The following PTPRN2 variants were observed in gnomAD, a reference collection of about 807,000 sequenced individuals.
PTPRN2 encodes the protein protein tyrosine phosphatase receptor type N2.
PTPRN2 carries 74 observed loss-of-function variants against 118.8 expected under a neutral mutation model. The ratio of observed to expected loss-of-function variants is 0.62; its 90% CI spans 0.52 to 0.76. PTPRN2 has a LOEUF of 0.76. Among genes scored for constraint, PTPRN2 ranks in the 30% least tolerant of loss-of-function variants. PTPRN2 has a pLI of 0.00. For missense variants in PTPRN2, 1,481 were observed against 1,394.4 expected, an observed-to-expected ratio of 1.06 and a Z score of -0.99; for synonymous variants, 641 against 608.0, an observed-to-expected ratio of 1.05 and a Z score of -0.80.
chr7:157,771,937 CACAT>C (rs1802855075), intron 12 of PTPRN2, among the ~76,000 whole-genome samples: 1 of 131,974 alleles, frequency 7.6e-6, no homozygotes, highest in Admixed American at 7.2e-5. Context: ...CACACACAGA[CACAT>C]ACAAAGACAC....
In PTPRN2 at chr7:158,536,196, A is replaced by C. The variant is rs115988819; in HGVS notation, c.113-46411T>G. Among the ~76,000 whole-genome samples, 489 of 152,292 alleles carry C rather than the reference A, an allele frequency of 3.2e-3. 5 individuals are homozygous for C. The highest frequency in any genetic ancestry group is 0.011 in the African/African-American group (442 of 41,560). ...TAAAGAAGGTCTGAAATGCCCTTTA[A>C]ATTTTGCTGAAAATCATCACCTCCT... On this transcript the variant is annotated intron_variant, in intron 1 of 22. Transcript: ENST00000389418.
intron 3 of PTPRN2, among the ~76,000 whole-genome samples, chr7:158,303,157 C>T (rs1353942401): frequency 1.4e-5 from 2 of 145,492 alleles, no homozygotes; most frequent in Non-Finnish European, 3.0e-5. Flanking sequence ...ATGTGGATAG[C>T]ACTAACCCAC....
chr7:157,853,431 C>T (rs1045826521), intron 12 of PTPRN2, among the ~76,000 whole-genome samples: 13 of 152,282 alleles, frequency 8.5e-5, no homozygotes, highest in South Asian at 2.1e-4. Context: ...ACCATGTTTG[C>T]CTCTGTCTGG....
At chr7:157,650,810 C>G (rs1025262202) in intron 14 of PTPRN2, among the ~76,000 whole-genome samples, 1 of 152,220 alleles carries the variant, frequency 6.6e-6, no homozygotes, top group Admixed American at 6.5e-5. Context: ...CAGCCTTGGG[C>G]AGGGACATCT....
At position 158,565,644 on chromosome 7, in the gene PTPRN2, C is replaced by T. The variant is rs1389114709; in HGVS notation, c.112+21914G>A. Among the ~76,000 whole-genome samples, 1 of 152,332 alleles carries T rather than the reference C, an allele frequency of 6.6e-6. No homozygotes were observed. The highest frequency in any genetic ancestry group is 2.4e-5 in the African/African-American group (1 of 41,580). ...AGAAAGTAAGCAAAGGCACGGTAGA[C>T]GCCAAGGGTCCAGGAGTCGCCCTCT... On this transcript the variant is annotated intron_variant, in intron 1 of 22. Coordinates refer to ENST00000389418, the MANE Select transcript of PTPRN2 (RefSeq NM_002847.5). The surrounding 1 kb of genome is among the most constrained non-coding windows in gnomAD (Gnocchi z 4.6).
intron 12 of PTPRN2, among the ~76,000 whole-genome samples, chr7:157,883,005 T>C (rs1324430866): frequency 6.7e-6 from 1 of 149,282 alleles, no homozygotes; most frequent in East Asian, 2.0e-4. Context: ...AAAATGACTG[T>C]CAGAGAACAG....
intron 12 of PTPRN2, among the ~76,000 whole-genome samples, chr7:157,792,109 T>C (rs56266655): frequency 0.35 from 52,820 of 152,152 alleles, 11,425 homozygotes; most frequent in African/African-American, 0.62. Context: ...TCTGGCCTTA[T>C]GAAGCCCCCT....
intron 5 of PTPRN2, among the ~76,000 whole-genome samples, chr7:158,191,120 C>T (rs921433099): frequency 1.2e-4 from 18 of 152,230 alleles, no homozygotes; most frequent in African/African-American, 2.9e-4. Context: ...TTAGTGGCCA[C>T]GCGTCCTCTG....
rs1437798931 is a variant in PTPRN2, at chr7:157,764,438, G to A, written c.1789-81501C>T. Among the ~76,000 whole-genome samples the A allele has an allele frequency of 6.6e-6, 1 of 152,228 alleles. No homozygotes were observed. The highest frequency in any genetic ancestry group is 2.4e-5 in the African/African-American group (1 of 41,470). On this transcript the variant is annotated intron_variant, in intron 12 of 22. Coordinates refer to ENST00000389418, the MANE Select transcript of PTPRN2 (RefSeq NM_002847.5). This position sits in a 1 kb window ranked among gnomAD's most constrained non-coding sequence, Gnocchi z 4.5. ...TTTGGATGCAGGCTACAACATGGAT[G>A]AACCTTGAAGATGTTATGCTAAGTG...
chr7:158,437,093 A>G (rs1816622323), intron 2 of PTPRN2, among the ~76,000 whole-genome samples: 1 of 151,964 alleles, frequency 6.6e-6, no homozygotes, highest in South Asian at 2.1e-4. Context: ...ACACATATAG[A>G]CCTTTCCAAC....
intron 2 of PTPRN2, among the ~76,000 whole-genome samples, chr7:158,375,173 G>C (rs1006026792): frequency 6.6e-6 from 1 of 152,172 alleles, no homozygotes; most frequent in African/African-American, 2.4e-5. Context: ...AGTCAGAAAG[G>C]TGCCTAAACC....
intron 12 of PTPRN2, among the ~76,000 whole-genome samples, chr7:157,753,358 C>T (rs1797741324): frequency 6.6e-6 from 1 of 152,148 alleles, no homozygotes; most frequent in South Asian, 2.1e-4. Flanking sequence ...AAGTTGAGAA[C>T]TTACAATAGG....
At chr7:157,761,849 C>T (rs1477547479) in intron 12 of PTPRN2, among the ~76,000 whole-genome samples, 5 of 151,952 alleles carry the variant, frequency 3.3e-5, no homozygotes, top group Admixed American at 6.6e-5. Flanking sequence ...GCAACCTACT[C>T]ATCTGACAAA....
At chr7:158,351,652 C>T (rs1029851875) in intron 2 of PTPRN2, among the ~76,000 whole-genome samples, 25 of 152,158 alleles carry the variant, frequency 1.6e-4, no homozygotes, top group African/African-American at 6.0e-4. Context: ...GAGAGTGCAA[C>T]TCAACAACTC....
At chr7:158,050,023 A>G (rs1809207904) in intron 11 of PTPRN2, among the ~76,000 whole-genome samples, 1 of 152,208 alleles carries the variant, frequency 6.6e-6, no homozygotes, top group Admixed American at 6.5e-5. Context: ...GCACACATTA[A>G]TTCACTGCTA....
chr7:158,140,259 C>T (rs1238192506), intron 6 of PTPRN2, among the ~76,000 whole-genome samples: 1 of 152,170 alleles, frequency 6.6e-6, no homozygotes, highest in Non-Finnish European at 1.5e-5. Context: ...GTGACAACTC[C>T]GAGGAGACTG....
intron 2 of PTPRN2, among the ~76,000 whole-genome samples, chr7:158,447,649 G>T (rs921830724): frequency 6.6e-6 from 1 of 152,236 alleles, no homozygotes. Context: ...GGCCTGCCTT[G>T]CGTCCTGCCA....
chr7:158,044,827 A>G (rs1366376868), intron 11 of PTPRN2, among the ~76,000 whole-genome samples: 2 of 152,124 alleles, frequency 1.3e-5, no homozygotes, highest in African/African-American at 4.8e-5. Flanking sequence ...GGCGATGACT[A>G]AGTACAAAAG....
At position 158,015,990 on chromosome 7, in the gene PTPRN2, C is replaced by T. The variant is rs1806425347; in HGVS notation, c.1723+65308G>A. On this transcript the variant is annotated intron_variant, in intron 11 of 22. Transcript: ENST00000389418. This position sits in a 1 kb window ranked among gnomAD's most constrained non-coding sequence, Gnocchi z 4.2. ...GGTCCCAGTGTGTCACCTGCGTGGC[C>T]TTTTCAGGTTCTGGGGGCCTCGGTG... Among the ~76,000 whole-genome samples the T allele has an allele frequency of 6.6e-6, 1 of 152,112 alleles. No individual in the cohort carries two copies.
Sources: gnomAD v4.1 joint callset for allele counts (sites outside exome capture counted in the v4.1 genomes callset) on GRCh38, gnomAD v4.1.1 for gene constraint, Gnocchi (gnomAD v3.1) non-coding constraint, MANE v1.5 for transcripts, NCBI Gene and HGNC (gene_info 2026-07-23, HGNC 2026-07-21) for gene names.